C8orf90: variants seen among roughly 807,000 people sequenced by gnomAD.
C8orf90 encodes uncharacterized protein C8orf90.
the C8orf90 span, among the ~76,000 whole-genome samples, chr8:141,516,366 C>T: frequency 9.2e-5 from 14 of 152,328 alleles, no homozygotes; most frequent in African/African-American, 3.4e-4. Flanking sequence ...TGCTCTTGAA[C>T]CCACTCTCAC....
the C8orf90 span, among the ~76,000 whole-genome samples, chr8:141,516,575 C>T: frequency 6.6e-6 from 1 of 152,142 alleles, no homozygotes; most frequent in Non-Finnish European, 1.5e-5. Context: ...TCCTCATCTC[C>T]TTGACCTGGT....
At chr8:141,517,045 A>G in the C8orf90 span, among the ~76,000 whole-genome samples, 1 of 152,206 alleles carries the variant, frequency 6.6e-6, no homozygotes, top group Non-Finnish European at 1.5e-5. Context: ...TGCAGAGGGA[A>G]GAGACTGTTA....
At chr8:141,517,275 C>T in the C8orf90 span, among the ~76,000 whole-genome samples, 7 of 152,278 alleles carry the variant, frequency 4.6e-5, no homozygotes, top group Non-Finnish European at 8.8e-5. Context: ...GTGGCCATCC[C>T]CAGACAGCTG....
the C8orf90 span, chr8:141,514,678 T>C: frequency 3.0e-5 from 21 of 699,674 alleles, no homozygotes; most frequent in Non-Finnish European, 5.5e-5. Flanking sequence ...AACAGAAGCC[T>C]GTCTCCCGGG....
chr8:141,518,613 C>T, the C8orf90 span: 7 of 494,346 alleles, frequency 1.4e-5, 1 homozygote, highest in South Asian at 1.2e-4. Flanking sequence ...GCTGCCCGGC[C>T]CCGCCGCCGC....
At chr8:141,516,523 C>T in the C8orf90 span, among the ~76,000 whole-genome samples, 15 of 152,240 alleles carry the variant, frequency 9.9e-5, no homozygotes, top group Admixed American at 9.2e-4. Context: ...ACACTTCCCA[C>T]GCTCCCATCA....
At chr8:141,518,036 C>G in the C8orf90 span, among the ~76,000 whole-genome samples, 3 of 152,198 alleles carry the variant, frequency 2.0e-5, no homozygotes, top group Non-Finnish European at 4.4e-5. Context: ...ATGCAGGGCC[C>G]GGCCTCGCCT....
At chr8:141,516,563 GCTC>G in the C8orf90 span, among the ~76,000 whole-genome samples, 2 of 152,078 alleles carry the variant, frequency 1.3e-5, no homozygotes, top group Non-Finnish European at 2.9e-5. Flanking sequence ...GCCCTCACTG[GCTC>G]CTCATCTCCT....
the C8orf90 span, among the ~76,000 whole-genome samples, chr8:141,516,826 A>G: frequency 1.2e-4 from 19 of 152,172 alleles, no homozygotes; most frequent in Non-Finnish European, 2.8e-4. Context: ...AGTACTTCCC[A>G]TTGATCAAAC....
chr8:141,514,794 C>A, the C8orf90 span: 98 of 698,678 alleles, frequency 1.4e-4, no homozygotes, highest in African/African-American at 1.5e-3. Flanking sequence ...GGGGAATGGA[C>A]GGGAAGGGGG....
chr8:141,518,481 G>A, the C8orf90 span: 1 of 638,386 alleles, frequency 1.6e-6, no homozygotes. Context: ...CCGGAGCTTC[G>A]CCCCCAGCGC....
chr8:141,516,995 G>C, the C8orf90 span, among the ~76,000 whole-genome samples: 1 of 152,320 alleles, frequency 6.6e-6, no homozygotes, highest in South Asian at 2.1e-4. Context: ...GGCTCAAACA[G>C]AGCCTGCCTG....
chr8:141,518,509 G>C, the C8orf90 span: 2 of 601,788 alleles, frequency 3.3e-6, no homozygotes, highest in Non-Finnish European at 5.8e-6. Context: ...GCCCCTGCAC[G>C]CCACGGCCCA....
the C8orf90 span, chr8:141,518,166 T>C: frequency 1.5e-5 from 8 of 535,440 alleles, no homozygotes; most frequent in South Asian, 2.3e-5. Context: ...CGCGGGCCGC[T>C]CCCGGCCCTC....
At chr8:141,515,475 T>C in the C8orf90 span, among the ~76,000 whole-genome samples, 1 of 150,030 alleles carries the variant, frequency 6.7e-6, no homozygotes, top group African/African-American at 2.5e-5. Context: ...CTATTGGTGA[T>C]TTCTCTCAGC....
the C8orf90 span, among the ~76,000 whole-genome samples, chr8:141,515,045 A>G: frequency 6.6e-6 from 1 of 151,752 alleles, no homozygotes; most frequent in Non-Finnish European, 1.5e-5. Flanking sequence ...CTTTGGATCT[A>G]TGGACCTGGA....
the C8orf90 span, chr8:141,518,413 G>C: frequency 3.3e-5 from 22 of 672,730 alleles, no homozygotes; most frequent in African/African-American, 3.6e-4. Flanking sequence ...CCCCGCCTGC[G>C]GGCCGCTCTT....
At chr8:141,518,576 G>T in the C8orf90 span, 2 of 423,594 alleles carry the variant, frequency 4.7e-6, no homozygotes, top group South Asian at 6.2e-5. Context: ...GCCCGCGCGC[G>T]GGGCCCGGGC....
chr8:141,516,735 C>T, the C8orf90 span, among the ~76,000 whole-genome samples: 2 of 152,182 alleles, frequency 1.3e-5, no homozygotes, highest in South Asian at 2.1e-4. Flanking sequence ...AGTCCAGGCT[C>T]TTGTGTGAGC....
Sources: gnomAD v4.1 joint callset for allele counts (sites outside exome capture counted in the v4.1 genomes callset) on GRCh38, gnomAD v4.1.1 for gene constraint, MANE v1.5 for transcripts, NCBI Gene and HGNC (gene_info 2026-07-23, HGNC 2026-07-21) for gene names.